RPTOR: variants seen among roughly 807,000 people sequenced by gnomAD.
RPTOR encodes the protein regulatory-associated protein of mTOR.
Under a neutral mutation model 169.9 loss-of-function variants are expected in RPTOR, and 21 were observed. The ratio of observed to expected loss-of-function variants is 0.12; its 90% CI spans 0.09 to 0.18. The LOEUF (loss-of-function observed/expected upper bound fraction) is 0.18. Among genes scored for constraint, RPTOR ranks in the 10% least tolerant of loss-of-function variants. The probability of loss-of-function intolerance (pLI) is 1.00; values close to 1 mark genes in which losing one functional copy is unlikely to be tolerated. For synonymous variants in RPTOR, 732 were observed against 753.2 expected (o/e 0.97, Z 0.46); for missense variants, 1,133 against 1,855.9 (o/e 0.61, Z 7.16).
In RPTOR at chr17:80,791,108, A is replaced by G. The variant is rs2067043231; in HGVS notation, c.831-342A>G. 2.0e-5 allele frequency among the ~76,000 whole-genome samples: 3 copies of G among 151,660 alleles called. No homozygotes were observed. In the East Asian group the frequency reaches 5.8e-4, roughly 29 times the overall value. ...AGCTCACTTCCTTAAGAAGGAAAGA[A>G]GTGGCAGGTCCAGTCCACTCCAGCA... On this transcript the variant is annotated intron_variant, in intron 6 of 33. Transcript: ENST00000306801.
chr17:80,768,022 C>T lies in RPTOR; in HGVS notation c.830+13837C>T, dbSNP rs561617828. ...GGGATTACAGGCACGTAACACCATG[C>T]CTGGCTAATTTTTGTATTTTTAGTA... On this transcript the variant is annotated intron_variant, in intron 6 of 33. Transcript: ENST00000306801. Among the ~76,000 whole-genome samples the T allele has an allele frequency of 2.0e-5, 3 of 152,224 alleles. No homozygotes were observed. In the East Asian group the frequency reaches 5.8e-4, roughly 29 times the overall value.
rs114804454 is a variant in RPTOR at position 80,627,798 on chromosome 17, A to G, written c.265+2005A>G. On this transcript the variant is annotated intron_variant, in intron 2 of 33. Coordinates refer to ENST00000306801, the MANE Select transcript of RPTOR (RefSeq NM_020761.3). ...ATATTTTCTCTGGTTAATATTTAGG[A>G]CTGTGATTATTAGCTCATATGTTAA... Among the ~76,000 whole-genome samples, 943 of 151,084 alleles carry G rather than the reference A, an allele frequency of 6.2e-3. 13 individuals are homozygous for G. The highest frequency in any genetic ancestry group is 0.022 in the African/African-American group (895 of 41,122).
chr17:80,788,254 C>T (rs1350168763), intron 6 of RPTOR, among the ~76,000 whole-genome samples: 1 of 152,138 alleles, frequency 6.6e-6, no homozygotes, highest in African/African-American at 2.4e-5. Flanking sequence ...GGGTGGATCA[C>T]CTGAGTTCAG....
chr17:80,920,294 A>C (rs2068729416), intron 21 of RPTOR, among the ~76,000 whole-genome samples: 1 of 152,236 alleles, frequency 6.6e-6, no homozygotes, highest in African/African-American at 2.4e-5. Flanking sequence ...AATGTTGAAC[A>C]AATAAGAAGT....
At chr17:80,556,286 A>C (rs143603153) in intron 1 of RPTOR, among the ~76,000 whole-genome samples, 1 of 152,076 alleles carries the variant, frequency 6.6e-6, no homozygotes. Context: ...CCCATCACCA[A>C]CTACATGCTG....
intron 20 of RPTOR, 55 bp from the exon 21 acceptor site, chr17:80,908,756 G>A (rs2143933603): frequency 7.6e-7 from 1 of 1,308,914 alleles, no homozygotes; most frequent in South Asian, 1.2e-5. Context: ...AGCCGCCTTA[G>A]GAGCCTCATT....
At position 80,777,273 on chromosome 17, in the gene RPTOR, G is replaced by A. The variant is rs557406597; in HGVS notation, c.831-14177G>A. On this transcript the variant is annotated intron_variant, in intron 6 of 33. Coordinates refer to ENST00000306801, the MANE Select transcript of RPTOR (RefSeq NM_020761.3). ...AGAAAAAAGAAAGTGAAGGGGGAGC[G>A]GAGGCCAGTGTGGGAGGAAGAGACA... Among the ~76,000 whole-genome samples the A allele has an allele frequency of 1.6e-4, 24 of 151,920 alleles. No homozygotes were observed. The South Asian group carries it at 2.5e-3, about 16-fold the overall frequency.
chr17:80,791,566 T>C, intron 7 of RPTOR, 57 bp downstream of exon 7: 3 of 1,484,004 alleles, frequency 2.0e-6, no homozygotes, highest in Non-Finnish European at 2.8e-6. Context: ...TTCTTTTCCT[T>C]TTTGAAGGCT....
At chr17:80,950,716 C>T (rs1341486077) in intron 28 of RPTOR, among the ~76,000 whole-genome samples, 1 of 152,114 alleles carries the variant, frequency 6.6e-6, no homozygotes, top group East Asian at 1.9e-4. Flanking sequence ...CAGGAGGGGT[C>T]CCGGGAGACA....
At position 80,754,029 on chromosome 17, in the gene RPTOR, A is replaced by G; in HGVS notation, c.674A>G (p.Asn225Ser). ...CTTCAGGTAGCTGCAATCAACCCAA[A>G]TCACCCTCTTGCTCAGATGCCTTTG... ...QELEVAAINP[N>S]HPLAQMPLPP... Residue 225 changes from asparagine (N) to serine (S), a missense_variant, in exon 6 of 34, where the codon AAT becomes AGT. Transcript: ENST00000306801. The surrounding 1 kb of genome is among the most constrained non-coding windows in gnomAD (Gnocchi z 4.2). The G allele has an allele frequency of 6.2e-7, 1 of 1,613,784 alleles. No homozygotes were observed. Among genetic ancestry groups the G allele is most frequent in the Non-Finnish European group, 8.5e-7 (1 of 1,179,780 alleles).
At chr17:80,955,277 C>T (rs763778242) in intron 28 of RPTOR, among the ~76,000 whole-genome samples, 3 of 152,240 alleles carry the variant, frequency 2.0e-5, no homozygotes, top group Admixed American at 1.3e-4. Context: ...GGGCCCTCAG[C>T]GCAGCAGTGA....
intron 3 of RPTOR, among the ~76,000 whole-genome samples, chr17:80,682,117 C>A (rs113675891): frequency 6.3e-5 from 8 of 127,928 alleles, no homozygotes; most frequent in Admixed American, 8.5e-5. Context: ...TCCCCCCCCC[C>A]ACCCCAAACA....
chr17:80,735,634 G>A (rs2066427873), intron 5 of RPTOR, among the ~76,000 whole-genome samples: 1 of 152,166 alleles, frequency 6.6e-6, no homozygotes, highest in African/African-American at 2.4e-5. Flanking sequence ...GTCAAATCTA[G>A]GCGAGTTTCT....
chr17:80,883,467 A>G lies in RPTOR; in HGVS notation c.1633A>G (p.Ser545Gly). 1 of 1,614,124 alleles carries G rather than the reference A, an allele frequency of 6.2e-7. No individual in the cohort carries two copies. The highest frequency in any genetic ancestry group is 1.3e-5 in the African/African-American group (1 of 75,034). Residue 545 changes from serine to glycine, a missense_variant, in exon 15 of 34, where the codon AGC (serine) becomes GGC (glycine). By Grantham distance (56) the Ser-to-Gly change is moderately conservative. This residue lies in a region of RPTOR where 289 missense variants were observed against 585.8 expected (regional missense o/e 0.49). Coordinates refer to ENST00000306801, the MANE Select transcript of RPTOR (RefSeq NM_020761.3). ...TAFILAVIVNSYHTGQEACLQ... is the reference protein window; with the variant it reads ...TAFILAVIVNGYHTGQEACLQ... ...TTTCATTCTCGCCGTGATCGTCAAC[A>G]GCTATCACACGGGGCAGGTGAGCCC...
At chr17:80,833,197 C>T (rs899402468) in intron 9 of RPTOR, among the ~76,000 whole-genome samples, 3 of 152,228 alleles carry the variant, frequency 2.0e-5, no homozygotes, top group South Asian at 2.1e-4. Context: ...CCTGGGCACC[C>T]GCCATCTCAG....
At chr17:80,877,148 T>C (rs192006975) in intron 13 of RPTOR, among the ~76,000 whole-genome samples, 63 of 152,270 alleles carry the variant, frequency 4.1e-4, no homozygotes, top group Admixed American at 4.1e-3. Flanking sequence ...TGGTTTCAAG[T>C]CTTGTTTCCT....
chr17:80,606,979 A>C (rs1368085168), intron 1 of RPTOR, among the ~76,000 whole-genome samples: 1 of 152,268 alleles, frequency 6.6e-6, no homozygotes, highest in Non-Finnish European at 1.5e-5. Context: ...TCTAACAAGA[A>C]AAATGAATCT....
At chr17:80,551,250 T>C (rs9903230) in intron 1 of RPTOR, among the ~76,000 whole-genome samples, 93,868 of 151,850 alleles carry the variant, frequency 0.62, 29,794 homozygotes, top group Middle Eastern at 0.72. Context: ...GTGTTTCTTG[T>C]TAGGTGGGAC....
chr17:80,603,044 T>C (rs563575443), intron 1 of RPTOR: 9 of 190,084 alleles, frequency 4.7e-5, no homozygotes, highest in Non-Finnish European at 7.6e-5. Context: ...TAGGGATGTT[T>C]TTCTGATGAG....
Sources: gnomAD v4.1 joint callset for allele counts (sites outside exome capture counted in the v4.1 genomes callset) on GRCh38, gnomAD v4.1.1 for gene constraint, gnomAD v4.1.1 regional missense constraint, Gnocchi (gnomAD v3.1) non-coding constraint, MANE v1.5 for transcripts, NCBI Gene and HGNC (gene_info 2026-07-23, HGNC 2026-07-21) for gene names.